PTBP1: variants seen among roughly 807,000 people sequenced by gnomAD.
PTBP1 encodes the protein polypyrimidine tract binding protein 1, also known as polypyrimidine tract-binding protein 1.
In PTBP1, 8 loss-of-function variants were observed where a neutral mutation model predicts 59.8. The ratio of observed to expected loss-of-function variants is 0.13; its 90% CI spans 0.08 to 0.24. The LOEUF is 0.24. Among genes scored for constraint, PTBP1 ranks in the 10% least tolerant of loss-of-function variants. The probability of loss-of-function intolerance (pLI) is 1.00; values close to 1 mark genes in which losing one functional copy is unlikely to be tolerated. For missense variants in PTBP1, 686 were observed against 767.0 expected, an observed-to-expected ratio of 0.89 and a Z score of 1.25; for synonymous variants, 490 against 320.7, an observed-to-expected ratio of 1.53 and a Z score of -5.64.
chr19:808,827 C>T lies in PTBP1; in HGVS notation c.1463+65C>T, dbSNP rs1183853727. ...GCAAGGGCTCTGCTTGGCTGTCCTACCGCGTCGGTGTGTGGACTTCTGGCG... is the reference window on the plus strand; with the variant it reads ...GCAAGGGCTCTGCTTGGCTGTCCTATCGCGTCGGTGTGTGGACTTCTGGCG... On this transcript the variant is annotated intron_variant, in intron 13 of 14. Transcript: ENST00000356948. This position sits in a 1 kb window ranked among gnomAD's most constrained non-coding sequence, Gnocchi z 4.7. 1 of 1,460,464 alleles carries T rather than the reference C, an allele frequency of 6.8e-7. No individual in the cohort carries two copies. The allele number at this position is 1,460,464 out of a possible 1,614,324, so 90.5% of individuals were successfully genotyped here.
chr19:802,505 C>T lies in PTBP1; in HGVS notation c.40-1056C>T, dbSNP rs573003706. Among the ~76,000 whole-genome samples the T allele has an allele frequency of 2.1e-4, 32 of 152,160 alleles. 1 individual carries two copies. The highest frequency in any genetic ancestry group is 4.3e-4 in the African/African-American group (18 of 41,490). On this transcript the variant is annotated intron_variant, in intron 2 of 14. Coordinates refer to ENST00000356948, the MANE Select transcript of PTBP1 (RefSeq NM_002819.5). ...CACTGGTTCTTTCTGATGCGATGGCCCTGGGCCCTTCAGCAGGTGGGGGCA... is the reference window on the plus strand; with the variant it reads ...CACTGGTTCTTTCTGATGCGATGGCTCTGGGCCCTTCAGCAGGTGGGGGCA...
chr19:809,458 C>CTA (rs1220380376), intron 13 of PTBP1, among the ~76,000 whole-genome samples: 3 of 151,932 alleles, frequency 2.0e-5, no homozygotes. Flanking sequence ...CTGGGAGGGA[C>CTA]TATAGGTGCC....
rs752233494 is a variant in PTBP1, at chr19:805,177, C to T, written c.882C>T (p.Ala294=). 2.3e-5 allele frequency: 37 copies of T among 1,613,232 alleles called. No homozygotes were observed. Among genetic ancestry groups the T allele is most frequent in the African/African-American group, 9.3e-5 (7 of 74,932 alleles). ...AGCCCTCGCTGGACCAGACCATGGCCGCGGCCTTCGGTAAGAGGCTGCCCG... is the reference window on the plus strand; with the variant it reads ...AGCCCTCGCTGGACCAGACCATGGCTGCGGCCTTCGGTAAGAGGCTGCCCG... ...DSQPSLDQTM[A]AAFGAPGIIS... The change falls in exon 8 of 15, where the codon GCC becomes GCT. Residue 294 remains alanine (A), a synonymous_variant. Coordinates refer to ENST00000356948, the MANE Select transcript of PTBP1 (RefSeq NM_002819.5).
At chr19:799,854 T>C (rs112750305) in intron 2 of PTBP1, among the ~76,000 whole-genome samples, 2,203 of 152,318 alleles carry the variant, frequency 0.014, 60 homozygotes, top group African/African-American at 0.05. Flanking sequence ...GGGACCTGGA[T>C]AGAATCCAGC....
intron 2 of PTBP1, among the ~76,000 whole-genome samples, chr19:802,143 A>G (rs1318960723): frequency 6.6e-6 from 1 of 152,154 alleles, no homozygotes; most frequent in Non-Finnish European, 1.5e-5. Context: ...GGCTGCAGTT[A>G]GAGGTCTCAT....
rs757593771 is a variant in PTBP1, at chr19:804,213, C to G, written c.288+5C>G. 3.1e-6 allele frequency: 5 copies of G among 1,606,258 alleles called. No individual in the cohort carries two copies. In the Admixed American group the frequency reaches 6.7e-5, roughly 22 times the overall value. On this transcript the variant is annotated splice_donor_5th_base_variant and intron_variant, in intron 4 of 14. Transcript: ENST00000356948. Reference sequence around the variant, plus strand: ...ATGCTGAAGGGGAAAAACCAGGTACCTGAGCCGCGTTTCTCCGGGGTGCTC... The same window carrying G: ...ATGCTGAAGGGGAAAAACCAGGTACGTGAGCCGCGTTTCTCCGGGGTGCTC...
At chr19:798,965 TGG>T (rs374190226) in intron 1 of PTBP1, among the ~76,000 whole-genome samples, 3 of 152,250 alleles carry the variant, frequency 2.0e-5, no homozygotes, top group Non-Finnish European at 4.4e-5. Flanking sequence ...GGCACCCTCT[TGG>T]GGGCCCACCC....
intron 10 of PTBP1, 115 bp from the exon 11 acceptor site, chr19:807,754 C>G: frequency 2.6e-6 from 2 of 769,730 alleles, no homozygotes; most frequent in Non-Finnish European, 4.5e-6. Context: ...CATCATCCAT[C>G]AACCACTGCA....
intron 14 of PTBP1, 31 bp from the exon 15 acceptor site, chr19:810,663 C>G (rs773113576): frequency 6.2e-7 from 1 of 1,611,908 alleles, no homozygotes; most frequent in Admixed American, 1.7e-5. Context: ...CCAGGCTGCC[C>G]TGCGGCCGGC....
Position 804,180 on chromosome 19 carries a change from ACCT to A in PTBP1, c.264_266del (p.Leu89del). ...GGGCTGCCCTTTGGGAAGGTCACCA[ACCT>A]CCTGATGCTGAAGGGGAAAAACCAG... is the stretch of plus-strand genomic sequence containing the variant. On this transcript the variant is annotated inframe_deletion, in exon 4 of 15. Coordinates refer to ENST00000356948, the MANE Select transcript of PTBP1 (RefSeq NM_002819.5). 6.2e-7 allele frequency: 1 copy of A among 1,610,002 alleles called. No homozygotes were observed. Among genetic ancestry groups the A allele is most frequent in the Non-Finnish European group, 8.5e-7 (1 of 1,177,416 alleles).
chr19:799,297 CCTGCGGAGGTGGCAG>C (rs773223682), intron 1 of PTBP1, 101 bp from the exon 2 acceptor site: 1 of 922,306 alleles, frequency 1.1e-6, no homozygotes, highest in East Asian at 2.4e-5. Flanking sequence ...CAGAGGGAGC[CCTGCGGAGGTGGCAG>C]CTGCAGGGAC....
intron 2 of PTBP1, among the ~76,000 whole-genome samples, chr19:801,701 C>G (rs147609466): frequency 3.9e-5 from 6 of 152,316 alleles, no homozygotes; most frequent in Middle Eastern, 3.4e-3. Flanking sequence ...CTGTGGGAGG[C>G]GAAGGTTGGA....
intron 8 of PTBP1, 150 bp from the exon 9 acceptor site, chr19:805,342 C>T (rs376398995): frequency 1.5e-5 from 18 of 1,180,780 alleles, no homozygotes; most frequent in East Asian, 9.4e-5. Flanking sequence ...TCCCCCACGT[C>T]GGGACCACGG....
Position 804,989 on chromosome 19 carries a change from G to A in PTBP1, c.718-24G>A, listed in dbSNP as rs556794966. 4.5e-5 allele frequency: 73 copies of A among 1,612,568 alleles called. 1 individual carries two copies. The highest frequency in any genetic ancestry group is 1.3e-4 in the African/African-American group (10 of 75,006). ...CCCGCCCTGGCCCTGGCCCGGCGAC[G>A]TCTCACGGTCCCTCTCCCCTCAGTC... On this transcript the variant is annotated intron_variant, in intron 7 of 14. Transcript: ENST00000356948.
rs10422347 is a variant in PTBP1, at chr19:804,959, C to T, written c.717+20C>T. 145,438 of 1,612,350 alleles carry T rather than the reference C, an allele frequency of 0.09. 7,166 individuals are homozygous for T. Among genetic ancestry groups the T allele is most frequent in the Admixed American group, 0.16 (9,654 of 59,948 alleles). ...AAGCTGGTGAGTGGGGCTCCCGGGA[C>T]GGCGCCCGCCCTGGCCCTGGCCCGG... On this transcript the variant is annotated intron_variant, in intron 7 of 14. Coordinates refer to ENST00000356948, the MANE Select transcript of PTBP1 (RefSeq NM_002819.5).
At chr19:807,632 G>T in intron 10 of PTBP1, 2 of 478,346 alleles carry the variant, frequency 4.2e-6, no homozygotes, top group South Asian at 3.7e-5. Flanking sequence ...TCTGCTTCCT[G>T]TTGTTGCTTG....
At chr19:809,767 A>G (rs530107318) in intron 13 of PTBP1, among the ~76,000 whole-genome samples, 2 of 152,288 alleles carry the variant, frequency 1.3e-5, no homozygotes, top group African/African-American at 4.8e-5. Flanking sequence ...GGTGGTGTGC[A>G]CGTCAGGTCC....
intron 3 of PTBP1, 44 bp downstream of exon 3, chr19:803,680 T>C: frequency 6.6e-7 from 1 of 1,521,200 alleles, no homozygotes; most frequent in Non-Finnish European, 9.1e-7. Flanking sequence ...TGGGTGTCTT[T>C]CCCTGGAACA....
chr19:812,104 A>C lies in PTBP1; in HGVS notation c.*1278A>C, dbSNP rs1010637212. The C allele has an allele frequency of 1.3e-5, 2 of 152,422 alleles. No homozygotes were observed. Among genetic ancestry groups the C allele is most frequent in the African/African-American group, 4.8e-5 (2 of 41,446 alleles). The allele number at this position is 152,422 out of a possible 1,614,324, so 9.4% of individuals were successfully genotyped here. A position where few individuals can be genotyped will look rare whatever the true frequency, so the allele number is the denominator to read the frequency against. ...TGACACAAATGTATATTTTGCTAACAGCAATTCCAGGCTCAGTATTGTGAC... is the reference window on the plus strand; with the variant it reads ...TGACACAAATGTATATTTTGCTAACCGCAATTCCAGGCTCAGTATTGTGAC... On this transcript the variant is annotated 3_prime_UTR_variant, in exon 15 of 15. Coordinates refer to ENST00000356948, the MANE Select transcript of PTBP1 (RefSeq NM_002819.5).
Sources: allele counts gnomAD v4.1 joint callset (sites outside exome capture counted in the v4.1 genomes callset), GRCh38; gene constraint gnomAD v4.1.1; non-coding constraint Gnocchi (gnomAD v3.1); transcripts MANE v1.5; gene names NCBI Gene and HGNC (gene_info 2026-07-23, HGNC 2026-07-21).